APAF1: variants seen among roughly 807,000 people sequenced by gnomAD.
APAF1 encodes the protein apoptotic protease-activating factor 1.
APAF1 carries 91 observed loss-of-function variants against 152.4 expected under a neutral mutation model. The ratio of observed to expected loss-of-function variants is 0.60; its 90% CI spans 0.50 to 0.71. The LOEUF (loss-of-function observed/expected upper bound fraction) is 0.71, where lower values mean the gene tolerates loss of function less well. APAF1 is among the 30% of genes least tolerant of loss of function. The pLI, the probability that APAF1 is intolerant of heterozygous loss-of-function variation, is 0.00. For missense variants in APAF1, 1,283 were observed against 1,472.0 expected (o/e 0.87, Z 2.10); for synonymous variants, 484 against 494.1 (o/e 0.98, Z 0.27).
intron 16 of APAF1, among the ~76,000 whole-genome samples, chr12:98,696,243 C>T (rs1008793215): frequency 1.3e-5 from 2 of 152,168 alleles, no homozygotes; most frequent in East Asian, 1.9e-4. Flanking sequence ...GGGCCTTCGG[C>T]TGCTTCCACT....
intron 22 of APAF1, 118 bp downstream of exon 22, chr12:98,715,670 T>TTATG: frequency 4.2e-6 from 5 of 1,181,914 alleles, no homozygotes; most frequent in Non-Finnish European, 6.2e-6. Flanking sequence ...TACATTCAGA[T>TTATG]TATGTACATG....
intron 17 of APAF1, among the ~76,000 whole-genome samples, chr12:98,701,878 T>C (rs1397868320): frequency 1.3e-5 from 2 of 152,222 alleles, no homozygotes; most frequent in African/African-American, 2.4e-5. Context: ...TATTCCATAA[T>C]TGGGACAACT....
At chr12:98,704,862 C>G (rs1014878406) in intron 18 of APAF1, among the ~76,000 whole-genome samples, 3 of 152,168 alleles carry the variant, frequency 2.0e-5, no homozygotes, top group Non-Finnish European at 2.9e-5. Flanking sequence ...TCACTGCAAC[C>G]TCCACCTCCC....
intron 17 of APAF1, among the ~76,000 whole-genome samples, chr12:98,702,354 C>T (rs969315996): frequency 1.8e-4 from 27 of 152,048 alleles, no homozygotes; most frequent in East Asian, 5.8e-4. Flanking sequence ...CGTGAGCCAC[C>T]GTGCCTGGGC....
At chr12:98,705,591 T>A (rs1338671788) in intron 18 of APAF1, among the ~76,000 whole-genome samples, 1 of 152,226 alleles carries the variant, frequency 6.6e-6, no homozygotes, top group Non-Finnish European at 1.5e-5. Flanking sequence ...TAAAGTGTAA[T>A]GAGAGGAACT....
At chr12:98,679,956 G>T (rs1370272465) in intron 13 of APAF1, among the ~76,000 whole-genome samples, 1 of 152,262 alleles carries the variant, frequency 6.6e-6, no homozygotes, top group Non-Finnish European at 1.5e-5. Flanking sequence ...CAGGCCAAGT[G>T]GGTGAAACAA....
chr12:98,658,329 A>C lies in APAF1; in HGVS notation c.527-831A>C, dbSNP rs1488555000. On this transcript the variant is annotated intron_variant, in intron 4 of 26. Transcript: ENST00000551964. Reference sequence around the variant, plus strand: ...GATGATGATAACAGTAATAATAATCATGGCCATTCCTAGTGTTTACTAGTT... The same window carrying C: ...GATGATGATAACAGTAATAATAATCCTGGCCATTCCTAGTGTTTACTAGTT... 2.0e-5 allele frequency among the ~76,000 whole-genome samples: 3 copies of C among 152,248 alleles called. No homozygotes were observed. In the East Asian group the frequency reaches 5.8e-4, roughly 29 times the overall value.
At chr12:98,666,993 G>A (rs1054116101) in intron 9 of APAF1, among the ~76,000 whole-genome samples, 1 of 151,786 alleles carries the variant, frequency 6.6e-6, no homozygotes, top group African/African-American at 2.4e-5. Flanking sequence ...GACTCCTGGT[G>A]TTGATATGTT....
rs529315650 is a variant in APAF1 at position 98,659,152 on chromosome 12, C to T, written c.527-8C>T. On this transcript the variant is annotated splice_polypyrimidine_tract_variant and splice_region_variant and intron_variant, in intron 4 of 26. Coordinates refer to ENST00000551964, the MANE Select transcript of APAF1 (RefSeq NM_181861.2). Reference sequence around the variant, plus strand: ...AGGCCTTAAGTTCATTATTCTTTCCCTCACTAGGTTGTTTCCCAGGGGGAG... The same window carrying T: ...AGGCCTTAAGTTCATTATTCTTTCCTTCACTAGGTTGTTTCCCAGGGGGAG... 49 of 1,613,986 alleles carry T rather than the reference C, an allele frequency of 3.0e-5. No homozygotes were observed. The South Asian group carries it at 4.2e-4, about 14-fold the overall frequency.
At chr12:98,672,876 TC>T (rs754923668) in intron 12 of APAF1, among the ~76,000 whole-genome samples, 58 of 151,802 alleles carry the variant, frequency 3.8e-4, no homozygotes, top group Non-Finnish European at 7.8e-4. Flanking sequence ...TGCCTCAGCC[TC>T]CCGAGTAGCT....
At chr12:98,647,187 G>A (rs1225097379) in intron 1 of APAF1, among the ~76,000 whole-genome samples, 1 of 151,286 alleles carries the variant, frequency 6.6e-6, no homozygotes. Flanking sequence ...AGGCTGTGGC[G>A]GGTGGATCAC....
At chr12:98,687,024 T>G (rs2097698709) in intron 16 of APAF1, 151 bp downstream of exon 16, 7 of 791,332 alleles carry the variant, frequency 8.8e-6, no homozygotes, top group South Asian at 8.5e-5. Flanking sequence ...CTGTAATTGC[T>G]TATCGTAATG....
intron 14 of APAF1, 89 bp downstream of exon 14, chr12:98,680,491 A>C (rs2097691125): frequency 7.8e-7 from 1 of 1,289,710 alleles, no homozygotes; most frequent in South Asian, 1.2e-5. Flanking sequence ...GTAGAGTTAA[A>C]GGACTCTCAC....
chr12:98,685,699 G>C (rs962771651), intron 15 of APAF1, among the ~76,000 whole-genome samples: 2 of 151,788 alleles, frequency 1.3e-5, no homozygotes, highest in African/African-American at 4.8e-5. Flanking sequence ...GCAGTGGAGC[G>C]ATCTTGGCTC....
intron 1 of APAF1, among the ~76,000 whole-genome samples, chr12:98,647,622 G>A (rs1441009430): frequency 3.3e-5 from 5 of 151,606 alleles, no homozygotes; most frequent in Non-Finnish European, 4.4e-5. Context: ...CACCCGCCTC[G>A]GCCTCCCAAA....
Position 98,733,004 on chromosome 12 carries a change from C to T in APAF1, c.*438C>T, listed in dbSNP as rs906363434. On this transcript the variant is annotated 3_prime_UTR_variant, in exon 27 of 27. Transcript: ENST00000551964. Reference sequence around the variant, plus strand: ...ACTTACCCCAAGGGGGTTTTGTTCTCCTAAATACAATCTTAGAGGTTTTTT... The same window carrying T: ...ACTTACCCCAAGGGGGTTTTGTTCTTCTAAATACAATCTTAGAGGTTTTTT... 4.0e-5 allele frequency: 7 copies of T among 176,718 alleles called. No individual in the cohort carries two copies. Among genetic ancestry groups the T allele is most frequent in the Non-Finnish European group, 7.1e-5 (6 of 84,390 alleles). 10.9% of individuals were successfully genotyped at this position (176,718 alleles called of 1,614,324 possible). A position where few individuals can be genotyped will look rare whatever the true frequency, so the allele number is the denominator to read the frequency against.
rs778075105 is a variant in APAF1, at chr12:98,662,610, T to C, written c.823+42T>C. The C allele has an allele frequency of 1.3e-5, 20 of 1,597,608 alleles. No individual in the cohort carries two copies. In the African/African-American group the frequency reaches 2.4e-4, roughly 19 times the overall value. On this transcript the variant is annotated intron_variant, in intron 6 of 26. Coordinates refer to ENST00000551964, the MANE Select transcript of APAF1 (RefSeq NM_181861.2). ...TACTTTTTAGTACCTTTATATTTAA[T>C]TTAATTACATTTAAATATGTGACAT...
chr12:98,672,749 T>TTTTAA, intron 12 of APAF1, among the ~76,000 whole-genome samples: 1 of 152,094 alleles, frequency 6.6e-6, no homozygotes, highest in Non-Finnish European at 1.5e-5. Flanking sequence ...TTTATTTTTA[T>TTTTAA]TTTATTTTAT....
intron 16 of APAF1, among the ~76,000 whole-genome samples, chr12:98,688,641 T>TTC (rs34779436): frequency 0.09 from 11,409 of 127,432 alleles, 586 homozygotes; most frequent in East Asian, 0.23. Context: ...TGGCGAAATT[T>TTC]TTTTTTTTTT....
Sources: allele counts gnomAD v4.1 joint callset (sites outside exome capture counted in the v4.1 genomes callset), GRCh38; gene constraint gnomAD v4.1.1; transcripts MANE v1.5; gene names NCBI Gene and HGNC (gene_info 2026-07-23, HGNC 2026-07-21).